PEAK1: variants seen among roughly 807,000 people sequenced by gnomAD.
PEAK1 encodes pseudopodium enriched atypical kinase 1, also known as inactive tyrosine-protein kinase PEAK1.
Under a neutral mutation model 124.7 loss-of-function variants are expected in PEAK1, and 54 were observed. That is an observed-to-expected ratio of 0.43 (90% CI 0.35 to 0.54). PEAK1 has a LOEUF of 0.54. Ranked by LOEUF, PEAK1 falls within the 20% of genes least tolerant of loss-of-function variation. The probability of loss-of-function intolerance (pLI) is 0.01; values close to 1 mark genes in which losing one functional copy is unlikely to be tolerated. For synonymous variants in PEAK1, 719 were observed against 760.0 expected (o/e 0.95, Z 0.89); for missense variants, 2,046 against 2,134.5 (o/e 0.96, Z 0.82).
chr15:77,293,753 T>C (rs553372541), intron 2 of PEAK1, among the ~76,000 whole-genome samples: 2 of 152,332 alleles, frequency 1.3e-5, no homozygotes, highest in Admixed American at 1.3e-4. Flanking sequence ...TTCTCTAGTC[T>C]AGTGTATGCT....
At chr15:77,353,292 A>C (rs562249570) in intron 2 of PEAK1, among the ~76,000 whole-genome samples, 2 of 152,306 alleles carry the variant, frequency 1.3e-5, no homozygotes, top group South Asian at 4.2e-4. Context: ...AGTGACTTCC[A>C]AGGTTATGTC....
At chr15:77,326,271 C>T (rs1263139008) in intron 2 of PEAK1, among the ~76,000 whole-genome samples, 8 of 152,024 alleles carry the variant, frequency 5.3e-5, no homozygotes, top group Non-Finnish European at 1.2e-4. Flanking sequence ...AAAGGAGATG[C>T]TCAAAAACAT....
chr15:77,297,727 T>A (rs2063556316), intron 2 of PEAK1, among the ~76,000 whole-genome samples: 1 of 117,378 alleles, frequency 8.5e-6, no homozygotes, highest in East Asian at 2.9e-4. Context: ...CCACTGCACT[T>A]CAGCCTGGCA....
chr15:77,349,106 C>G, intron 2 of PEAK1: 1 of 670,110 alleles, frequency 1.5e-6, no homozygotes, highest in Non-Finnish European at 1.8e-6. Flanking sequence ...GTGGTGTGAT[C>G]TCGGCTCACT....
At chr15:77,388,668 T>G (rs3784787) in intron 1 of PEAK1, among the ~76,000 whole-genome samples, 1 of 152,022 alleles carries the variant, frequency 6.6e-6, no homozygotes, top group African/African-American at 2.4e-5. Flanking sequence ...CAACATTTCA[T>G]GTTGATCATT....
At chr15:77,346,737 C>A in intron 2 of PEAK1, 3 of 982,940 alleles carry the variant, frequency 3.1e-6, no homozygotes, top group Non-Finnish European at 3.6e-6. Context: ...GACATTTGTA[C>A]GAATAGCTGG....
chr15:77,262,749 A>C (rs545547251), intron 5 of PEAK1, among the ~76,000 whole-genome samples: 3 of 152,158 alleles, frequency 2.0e-5, no homozygotes, highest in African/African-American at 4.8e-5. Flanking sequence ...TGCACCAAGC[A>C]GACCTAATAG....
intron 6 of PEAK1, among the ~76,000 whole-genome samples, chr15:77,192,493 G>A (rs1247498939): frequency 6.6e-6 from 1 of 152,172 alleles, no homozygotes; most frequent in African/African-American, 2.4e-5. Context: ...TCTGACAGAG[G>A]AAAAACTAAA....
intron 2 of PEAK1, among the ~76,000 whole-genome samples, chr15:77,286,793 T>C (rs916253876): frequency 6.6e-6 from 1 of 152,224 alleles, no homozygotes; most frequent in African/African-American, 2.4e-5. Flanking sequence ...GTACCTCTGC[T>C]AAAGATAACT....
chr15:77,182,061 C>CA (rs2057302899), intron 6 of PEAK1, 21 bp from the exon 7 acceptor site: 1 of 1,369,854 alleles, frequency 7.3e-7, no homozygotes, highest in Non-Finnish European at 9.4e-7. Context: ...GAAAAGAAGA[C>CA]AAAAAATCTG....
At chr15:77,165,199 C>T (rs1216880258) in intron 7 of PEAK1, among the ~76,000 whole-genome samples, 4 of 148,626 alleles carry the variant, frequency 2.7e-5, no homozygotes, top group East Asian at 2.0e-4. Context: ...CTACGCCTGG[C>T]CTTTTTTTTT....
At chr15:77,365,901 T>A (rs542558149) in intron 1 of PEAK1, among the ~76,000 whole-genome samples, 1 of 152,226 alleles carries the variant, frequency 6.6e-6, no homozygotes, top group African/African-American at 2.4e-5. Flanking sequence ...ATACAGAATT[T>A]AAAAATCTGG....
At chr15:77,176,444 C>T (rs2056884393) in intron 7 of PEAK1, among the ~76,000 whole-genome samples, 1 of 152,112 alleles carries the variant, frequency 6.6e-6, no homozygotes, top group Admixed American at 6.5e-5. Flanking sequence ...GCATCAGTAT[C>T]ACCCAGGAAC....
rs1419213909 is a variant in PEAK1 at position 77,117,957 on chromosome 15, A to T, written c.4078-2638T>A. 7.2e-5 allele frequency among the ~76,000 whole-genome samples: 11 copies of T among 152,366 alleles called. No individual in the cohort carries two copies. In the East Asian group the frequency reaches 1.9e-3, roughly 27 times the overall value. On this transcript the variant is annotated intron_variant, in intron 9 of 9. Coordinates refer to ENST00000682557, the MANE Select transcript of PEAK1 (RefSeq NM_001385026.1). ...GAGTAGACAAGAATGTGGATACTACAATAAGAATTTATGTTTAGCTTCACA... is the reference window on the plus strand; with the variant it reads ...GAGTAGACAAGAATGTGGATACTACTATAAGAATTTATGTTTAGCTTCACA...
intron 5 of PEAK1, among the ~76,000 whole-genome samples, chr15:77,265,698 C>T (rs1485688053): frequency 3.9e-5 from 6 of 151,900 alleles, no homozygotes; most frequent in South Asian, 4.2e-4. Context: ...GTCAGTGTGG[C>T]GATTCCTCAG....
At position 77,408,087 on chromosome 15, in the gene PEAK1, A is replaced by G. The variant is rs536689568; in HGVS notation, c.-666+11919T>C. Among the ~76,000 whole-genome samples the G allele has an allele frequency of 9.9e-5, 15 of 151,152 alleles. No individual in the cohort carries two copies. In the South Asian group the frequency reaches 1.5e-3, roughly 15 times the overall value. ...TACACATATATACATATATACACAT[A>G]TATACACACACATATATACATATAT... On this transcript the variant is annotated intron_variant, in intron 1 of 9. Transcript: ENST00000682557.
intron 1 of PEAK1, among the ~76,000 whole-genome samples, chr15:77,399,706 AACT>A (rs377135548): frequency 4.7e-4 from 72 of 152,296 alleles, no homozygotes; most frequent in African/African-American, 1.6e-3. Flanking sequence ...CAAACTATAA[AACT>A]ACTACAAGGA....
chr15:77,137,592 C>T (rs536230637), intron 8 of PEAK1, among the ~76,000 whole-genome samples: 1 of 152,300 alleles, frequency 6.6e-6, no homozygotes, highest in South Asian at 2.1e-4. Flanking sequence ...TTTGTTCTGG[C>T]CAATTTCTCC....
At chr15:77,277,617 GAATT>G (rs5813861) in intron 5 of PEAK1, among the ~76,000 whole-genome samples, 48,909 of 151,646 alleles carry the variant, frequency 0.32, 8,515 homozygotes, top group East Asian at 0.63. Flanking sequence ...TTTAAAAAGT[GAATT>G]AATTCTGTGA....
Sources: gnomAD v4.1 joint callset for allele counts (sites outside exome capture counted in the v4.1 genomes callset) on GRCh38, gnomAD v4.1.1 for gene constraint, MANE v1.5 for transcripts, NCBI Gene and HGNC (gene_info 2026-07-23, HGNC 2026-07-21) for gene names.